The following FAM107B variants were observed in gnomAD, a reference collection of about 807,000 sequenced individuals.
FAM107B encodes the protein family with sequence similarity 107 member B.
FAM107B carries 21 observed loss-of-function variants against 31.5 expected under a neutral mutation model. The ratio of observed to expected loss-of-function variants is 0.67; its 90% CI spans 0.47 to 0.96. FAM107B has a LOEUF of 0.96. Among genes scored for constraint, FAM107B ranks in the 40% least tolerant of loss-of-function variants. The pLI is 0.00. For synonymous variants in FAM107B, 157 were observed against 141.5 expected (o/e 1.11, Z -0.78); for missense variants, 452 against 377.1 (o/e 1.20, Z -1.64).
At chr10:14,658,546 A>G (rs1035668660) in intron 2 of FAM107B, among the ~76,000 whole-genome samples, 3 of 152,244 alleles carry the variant, frequency 2.0e-5, no homozygotes, top group Non-Finnish European at 2.9e-5. Context: ...TCATGCATGC[A>G]TACTTTAGTC....
rs149179970 is a variant in FAM107B, at chr10:14,707,080, C to T, written c.412-39389G>A. On this transcript the variant is annotated intron_variant, in intron 1 of 4. Transcript: ENST00000181796. Reference sequence around the variant, plus strand: ...GGCGGAGGTTGCAGTGAGCCGAGATCGTGCCACTGTACTCCAGCCTGGGCG... The same window carrying T: ...GGCGGAGGTTGCAGTGAGCCGAGATTGTGCCACTGTACTCCAGCCTGGGCG... Among the ~76,000 whole-genome samples, 1,181 of 151,946 alleles carry T rather than the reference C, an allele frequency of 7.8e-3. 11 individuals are homozygous for T. The highest frequency in any genetic ancestry group is 0.027 in the African/African-American group (1,100 of 41,422).
intron 2 of FAM107B, among the ~76,000 whole-genome samples, chr10:14,553,119 C>G (rs1016784246): frequency 6.6e-6 from 1 of 152,170 alleles, no homozygotes; most frequent in East Asian, 1.9e-4. Flanking sequence ...ACATCATCTT[C>G]TCTTCCACCT....
chr10:14,719,832 C>T (rs61842962), intron 1 of FAM107B, among the ~76,000 whole-genome samples: 12,871 of 141,718 alleles, frequency 0.091, 640 homozygotes, highest in East Asian at 0.15. Context: ...AGCTGCTTCC[C>T]GCTGTTATTG....
chr10:14,581,491 A>G (rs1387082986), intron 2 of FAM107B, among the ~76,000 whole-genome samples: 1 of 152,236 alleles, frequency 6.6e-6, no homozygotes, highest in Non-Finnish European at 1.5e-5. Context: ...CTGGCCTGAA[A>G]GACGTTCGTT....
rs1440250693 is a variant in FAM107B at position 14,756,931 on chromosome 10, GTTCT to G, written c.411+17318_411+17321del. Among the ~76,000 whole-genome samples the G allele has an allele frequency of 3.3e-5, 5 of 152,270 alleles. No individual in the cohort carries two copies. The East Asian group carries it at 9.6e-4, about 29-fold the overall frequency. ...AAGAACAGAAAACCAAATATCGTGT[GTTCT>G]TACTTATAAGTGGGAGCTAAATGAT... On this transcript the variant is annotated intron_variant, in intron 1 of 4. Coordinates refer to ENST00000181796, the MANE Select transcript of FAM107B (RefSeq NM_031453.4).
At chr10:14,567,096 T>C (rs374871771) in intron 2 of FAM107B, among the ~76,000 whole-genome samples, 5 of 152,166 alleles carry the variant, frequency 3.3e-5, no homozygotes, top group African/African-American at 1.2e-4. Context: ...GAGCTTGCAG[T>C]GAGCCAAGAT....
chr10:14,561,899 C>T (rs1172838548), intron 2 of FAM107B, among the ~76,000 whole-genome samples: 1 of 152,186 alleles, frequency 6.6e-6, no homozygotes, highest in East Asian at 1.9e-4. Flanking sequence ...ATTCTCCTCC[C>T]TCAGCCTCCC....
intron 2 of FAM107B, among the ~76,000 whole-genome samples, chr10:14,583,716 G>A (rs370702474): frequency 1.2e-4 from 18 of 151,710 alleles, no homozygotes; most frequent in African/African-American, 3.4e-4. Context: ...GAAGGAGGGG[G>A]AAAAGTTGAC....
At chr10:14,769,675 C>A (rs35048595) in intron 1 of FAM107B, among the ~76,000 whole-genome samples, 21,559 of 152,166 alleles carry the variant, frequency 0.14, 1,916 homozygotes, top group Middle Eastern at 0.3. Flanking sequence ...CGTGAGCCAC[C>A]GCGCCCGGCC....
At chr10:14,602,171 C>T (rs1406769884) in intron 2 of FAM107B, among the ~76,000 whole-genome samples, 1 of 152,188 alleles carries the variant, frequency 6.6e-6, no homozygotes, top group Non-Finnish European at 1.5e-5. Context: ...CTCATTCACT[C>T]ACAGGCTACT....
intron 1 of FAM107B, among the ~76,000 whole-genome samples, chr10:14,704,776 C>T (rs1855481630): frequency 6.6e-6 from 1 of 152,144 alleles, no homozygotes; most frequent in South Asian, 2.1e-4. Context: ...GTAATCCCAG[C>T]ATTTTGGGAG....
chr10:14,717,843 C>G (rs1855816009), intron 1 of FAM107B, among the ~76,000 whole-genome samples: 1 of 152,180 alleles, frequency 6.6e-6, no homozygotes, highest in African/African-American at 2.4e-5. Flanking sequence ...CACACCCTCT[C>G]AACTATCTCA....
At chr10:14,714,155 C>T (rs1319174884) in intron 1 of FAM107B, among the ~76,000 whole-genome samples, 2 of 152,182 alleles carry the variant, frequency 1.3e-5, no homozygotes, top group African/African-American at 4.8e-5. Flanking sequence ...ATATAACAAA[C>T]CTGTGTATTT....
intron 2 of FAM107B, among the ~76,000 whole-genome samples, chr10:14,656,928 T>C (rs1854073940): frequency 1.3e-5 from 2 of 152,076 alleles, no homozygotes; most frequent in African/African-American, 4.8e-5. Flanking sequence ...TAAGAGGACA[T>C]AGGATTGGAT....
chr10:14,519,355 C>T lies in FAM107B; in HGVS notation c.*1835G>A, dbSNP rs1023842159. ...CGAATCTTCATTTTACAAACAGCAT[C>T]GCTAGTCCACAGACACAAAGAAAGA... On this transcript the variant is annotated 3_prime_UTR_variant, in exon 5 of 5. Coordinates refer to ENST00000181796, the MANE Select transcript of FAM107B (RefSeq NM_031453.4). 2 of 152,070 alleles carry T rather than the reference C, an allele frequency of 1.3e-5. No individual in the cohort carries two copies. Among genetic ancestry groups the T allele is most frequent in the African/African-American group, 4.8e-5 (2 of 41,398 alleles). 9.4% of individuals were successfully genotyped at this position (152,070 alleles called of 1,614,324 possible). A position where few individuals can be genotyped will look rare whatever the true frequency, so the allele number is the denominator to read the frequency against.
chr10:14,559,108 A>AC (rs1849986604), intron 2 of FAM107B, among the ~76,000 whole-genome samples: 3 of 132,704 alleles, frequency 2.3e-5, no homozygotes, highest in Admixed American at 7.6e-5. Context: ...TCAAAAAAAA[A>AC]AAAAAAAAAC....
At chr10:14,594,296 AGGAG>A (rs1206902597) in intron 2 of FAM107B, among the ~76,000 whole-genome samples, 1 of 152,194 alleles carries the variant, frequency 6.6e-6, no homozygotes, top group African/African-American at 2.4e-5. Flanking sequence ...GCTTGAGGCC[AGGAG>A]TTCAAGACCA....
At chr10:14,686,073 C>T (rs1042406752) in intron 1 of FAM107B, among the ~76,000 whole-genome samples, 4 of 152,126 alleles carry the variant, frequency 2.6e-5, no homozygotes, top group East Asian at 3.9e-4. Context: ...GCCCTTGACA[C>T]GTGGGGATTA....
chr10:14,680,794 G>C (rs1487190644), intron 1 of FAM107B, among the ~76,000 whole-genome samples: 1 of 152,152 alleles, frequency 6.6e-6, no homozygotes, highest in African/African-American at 2.4e-5. Flanking sequence ...ACCTCTCTGT[G>C]AGGTTGGCTG....
Sources: allele counts gnomAD v4.1 joint callset (sites outside exome capture counted in the v4.1 genomes callset), GRCh38; gene constraint gnomAD v4.1.1; transcripts MANE v1.5; gene names NCBI Gene and HGNC (gene_info 2026-07-23, HGNC 2026-07-21).